MARCHF2: variants seen among roughly 807,000 people sequenced by gnomAD.
The protein encoded by MARCHF2 is membrane associated ring-CH-type finger 2.
MARCHF2 carries 22 observed loss-of-function variants against 24.0 expected under a neutral mutation model. That is an observed-to-expected ratio of 0.92 (90% CI 0.66 to 1.31). MARCHF2 has a LOEUF of 1.31. Among genes scored for constraint, MARCHF2 ranks in the 50% most tolerant of loss-of-function variants. The pLI is 0.00. For missense variants in MARCHF2, 301 were observed against 335.3 expected (o/e 0.90, Z 0.80); for synonymous variants, 154 against 153.0 (o/e 1.01, Z -0.05).
intron 1 of MARCHF2, among the ~76,000 whole-genome samples, chr19:8,415,737 A>AAAAC (rs1568233661): frequency 1.0e-5 from 1 of 96,928 alleles, no homozygotes; most frequent in Non-Finnish European, 2.1e-5. Context: ...AAAAAAAACA[A>AAAAC]AAAAAACAAA....
intron 3 of MARCHF2, among the ~76,000 whole-genome samples, chr19:8,427,470 A>G (rs1232664056): frequency 1.3e-5 from 2 of 151,558 alleles, no homozygotes; most frequent in African/African-American, 4.8e-5. Flanking sequence ...ATTAAAGTCC[A>G]GTAACTTTAA....
chr19:8,420,535 CAAAAAAA>C (rs767779814), intron 1 of MARCHF2, among the ~76,000 whole-genome samples: 2 of 66,786 alleles, frequency 3.0e-5, no homozygotes, highest in African/African-American at 4.4e-5. Flanking sequence ...AACTCTGTCT[CAAAAAAA>C]AAAAAAAAAA....
chr19:8,428,095 C>T (rs1967460192), intron 3 of MARCHF2, among the ~76,000 whole-genome samples: 1 of 152,172 alleles, frequency 6.6e-6, no homozygotes. Context: ...CCCATCTCTA[C>T]TAAAAATACA....
intron 4 of MARCHF2, among the ~76,000 whole-genome samples, chr19:8,438,165 G>A (rs1162241680): frequency 1.3e-5 from 2 of 152,112 alleles, no homozygotes; most frequent in Non-Finnish European, 2.9e-5. Flanking sequence ...GGTGTGTGTG[G>A]GGTGTATCTT....
At chr19:8,428,649 CAAAAAAAAAAA>C (rs59542078) in intron 3 of MARCHF2, among the ~76,000 whole-genome samples, 287 of 30,610 alleles carry the variant, frequency 9.4e-3, no homozygotes, top group South Asian at 0.013. Context: ...GACTCTATCT[CAAAAAAAAAAA>C]AAAAAAAAAA....
intron 1 of MARCHF2, among the ~76,000 whole-genome samples, chr19:8,419,978 G>T (rs12977617): frequency 0.01 from 1,494 of 148,662 alleles, 22 homozygotes; most frequent in South Asian, 0.016. Context: ...CTAACATGGT[G>T]AAACCCCGTC....
chr19:8,426,855 T>C lies in MARCHF2; in HGVS notation c.372+51T>C, dbSNP rs374041519. 4 of 1,557,406 alleles carry C rather than the reference T, an allele frequency of 2.6e-6. No individual in the cohort carries two copies. The African/African-American group carries it at 4.1e-5, about 16-fold the overall frequency. ...GTGGGCAGTGGGGAGAGGGCAGACA[T>C]GGGGGCCAAAGGCAGGAGCTGCCCC... On this transcript the variant is annotated intron_variant, in intron 3 of 4. Coordinates refer to ENST00000215555, the MANE Select transcript of MARCHF2 (RefSeq NM_001005415.2).
rs368640101 is a variant in MARCHF2 at position 8,433,776 on chromosome 19, A to G, written c.582+2909A>G. ...CTACTCGGGAGGCTGAGGCACAAGA[A>G]TCACTTGAATTTGGGAGGTGGAAGT... On this transcript the variant is annotated intron_variant, in intron 4 of 4. Coordinates refer to ENST00000215555, the MANE Select transcript of MARCHF2 (RefSeq NM_001005415.2). 3.3e-5 allele frequency among the ~76,000 whole-genome samples: 5 copies of G among 151,796 alleles called. 1 individual carries two copies. The highest frequency in any genetic ancestry group is 3.3e-4 in the Admixed American group (5 of 15,206).
chr19:8,437,618 T>A (rs1332781613), intron 4 of MARCHF2, among the ~76,000 whole-genome samples: 2 of 151,984 alleles, frequency 1.3e-5, no homozygotes, highest in East Asian at 3.9e-4. Context: ...CCCAAAGTGC[T>A]GGGATTACAG....
At chr19:8,423,937 G>A (rs1411177796) in intron 2 of MARCHF2, among the ~76,000 whole-genome samples, 1 of 150,050 alleles carries the variant, frequency 6.7e-6, no homozygotes, top group Non-Finnish European at 1.5e-5. Context: ...GGGAGTCCGA[G>A]GCTGCAGTGA....
chr19:8,424,873 T>C (rs559409066), intron 2 of MARCHF2, among the ~76,000 whole-genome samples: 33 of 152,208 alleles, frequency 2.2e-4, no homozygotes, highest in African/African-American at 7.5e-4. Flanking sequence ...CATACAAGCC[T>C]GAGTTGGTTG....
At chr19:8,427,826 A>C (rs1967451439) in intron 3 of MARCHF2, 1 of 150,588 alleles carries the variant, frequency 6.6e-6, no homozygotes, top group Non-Finnish European at 1.5e-5. Context: ...CAAAAAAAAA[A>C]AAAAAAAGTC....
intron 1 of MARCHF2, chr19:8,413,676 C>T (rs915258907): frequency 6.6e-6 from 1 of 152,260 alleles, no homozygotes; most frequent in Non-Finnish European, 1.5e-5. Flanking sequence ...CCTGATGGGG[C>T]TTCTGGGAGG....
intron 4 of MARCHF2, among the ~76,000 whole-genome samples, chr19:8,432,578 C>T (rs1339053066): frequency 6.6e-6 from 1 of 151,910 alleles, no homozygotes; most frequent in Non-Finnish European, 1.5e-5. Flanking sequence ...CCCTTGAGGC[C>T]AGGAGTTCAA....
chr19:8,418,314 A>G (rs549188778), intron 1 of MARCHF2: 50 of 152,308 alleles, frequency 3.3e-4, no homozygotes, highest in African/African-American at 1.1e-3. Context: ...CCTTTGGGCA[A>G]TACTTGCTTA....
intron 1 of MARCHF2, among the ~76,000 whole-genome samples, chr19:8,415,749 AAAAAAAC>A (rs1568233732): frequency 1.4e-5 from 2 of 145,002 alleles, no homozygotes; most frequent in South Asian, 2.2e-4. Context: ...AAAAACAAAA[AAAAAAAC>A]CAGACAAAAG....
intron 4 of MARCHF2, among the ~76,000 whole-genome samples, chr19:8,436,220 C>T (rs1192600089): frequency 2.6e-5 from 4 of 151,660 alleles, no homozygotes; most frequent in Admixed American, 1.3e-4. Context: ...CTGCAACTTC[C>T]GCCTCCTGGG....
rs1967415585 is a variant in MARCHF2, at chr19:8,426,787, C to T, written c.355C>T (p.Pro119Ser). The T allele has an allele frequency of 1.2e-6, 2 of 1,612,118 alleles. No homozygotes were observed. Among genetic ancestry groups the T allele is most frequent in the East Asian group, 4.5e-5 (2 of 44,854 alleles). The part of the protein sequence containing the change: ...CHTEFAVEKR[P>S]RPLTEWLKDP... The stretch of plus-strand genomic sequence containing the variant: ...CACGGAGTTTGCAGTGGAGAAACGG[C>T]CTCGACCCCTCACAGAGGTACCCTT... The change falls in exon 3 of 5, where the codon CCT (proline) becomes TCT (serine). Residue 119 changes from proline (P) to serine (S), a missense_variant. Physicochemically the swap from Pro to Ser is moderately conservative, Grantham distance 74. Transcript: ENST00000215555.
intron 3 of MARCHF2, among the ~76,000 whole-genome samples, chr19:8,429,024 C>T (rs1409569652): frequency 2.0e-5 from 3 of 151,512 alleles, no homozygotes; most frequent in Non-Finnish European, 4.4e-5. Context: ...GGTCCAGCCC[C>T]TTCACACACC....
Sources: allele counts gnomAD v4.1 joint callset (sites outside exome capture counted in the v4.1 genomes callset), GRCh38; gene constraint gnomAD v4.1.1; transcripts MANE v1.5; gene names NCBI Gene and HGNC (gene_info 2026-07-23, HGNC 2026-07-21).